The following XKR7 variants were observed in gnomAD, a reference collection of about 807,000 sequenced individuals.
The protein encoded by XKR7 is XK-related protein 7.
In XKR7, 11 loss-of-function variants were observed where a neutral mutation model predicts 42.2. That is an observed-to-expected ratio of 0.26 (90% CI 0.16 to 0.43). The LOEUF (loss-of-function observed/expected upper bound fraction) is 0.43. Ranked by LOEUF, XKR7 falls within the 20% of genes least tolerant of loss-of-function variation. The probability of loss-of-function intolerance (pLI) is 1.00; values close to 1 mark genes in which losing one functional copy is unlikely to be tolerated. For synonymous variants in XKR7, 346 were observed against 366.4 expected (o/e 0.94, Z 0.64); for missense variants, 710 against 802.2 (o/e 0.89, Z 1.39).
intron 1 of XKR7, among the ~76,000 whole-genome samples, chr20:31,984,185 C>T (rs574555650): frequency 2.2e-4 from 33 of 151,624 alleles, no homozygotes; most frequent in African/African-American, 7.0e-4. Context: ...CACCTGAACC[C>T]GGGACGTGGA....
In XKR7 at chr20:31,995,049, C is replaced by A; in HGVS notation, c.585-19C>A. 1 of 1,540,948 alleles carries A rather than the reference C, an allele frequency of 6.5e-7. No individual in the cohort carries two copies. Among genetic ancestry groups the A allele is most frequent in the Non-Finnish European group, 8.7e-7 (1 of 1,145,458 alleles). On this transcript the variant is annotated intron_variant, in intron 1 of 2. Coordinates refer to ENST00000562532, the MANE Select transcript of XKR7 (RefSeq NM_001011718.2). The surrounding 1 kb of genome is among the most constrained non-coding windows in gnomAD (Gnocchi z 4.1). Reference sequence around the variant, plus strand: ...AGGAACCAGCGCGCGGGAGCCTGAGCACCGCGTCCTTCCCGCAGGTACCTG... The same window carrying A: ...AGGAACCAGCGCGCGGGAGCCTGAGAACCGCGTCCTTCCCGCAGGTACCTG...
At chr20:31,975,766 C>T (rs1178495583) in intron 1 of XKR7, among the ~76,000 whole-genome samples, 1 of 152,140 alleles carries the variant, frequency 6.6e-6, no homozygotes, top group African/African-American at 2.4e-5. Flanking sequence ...ATATTTCTTG[C>T]ATTGCTTGAA....
Position 31,968,817 on chromosome 20 carries a change from A to G in XKR7, c.584+58A>G. On this transcript the variant is annotated intron_variant, in intron 1 of 2. Transcript: ENST00000562532. The surrounding 1 kb of genome is among the most constrained non-coding windows in gnomAD (Gnocchi z 4.5). ...CGAGGAGTGGGGGTGGCGAAGGGCTACCTGACGTCCCAGCCCTGATCTGAC... is the reference window on the plus strand; with the variant it reads ...CGAGGAGTGGGGGTGGCGAAGGGCTGCCTGACGTCCCAGCCCTGATCTGAC... 6.9e-7 allele frequency: 1 copy of G among 1,446,152 alleles called. No individual in the cohort carries two copies. Among genetic ancestry groups the G allele is most frequent in the South Asian group, 1.4e-5 (1 of 69,500 alleles). The allele number at this position is 1,446,152 out of a possible 1,614,324, so 89.6% of individuals were successfully genotyped here.
intron 1 of XKR7, among the ~76,000 whole-genome samples, chr20:31,989,094 T>C (rs548417226): frequency 6.6e-6 from 1 of 152,084 alleles, no homozygotes. Flanking sequence ...TAGGTTAAGA[T>C]GAAAATAAGA....
intron 1 of XKR7, among the ~76,000 whole-genome samples, chr20:31,980,286 C>A (rs2064505965): frequency 6.6e-6 from 1 of 152,184 alleles, no homozygotes; most frequent in Non-Finnish European, 1.5e-5. Context: ...ATTTGGCTGA[C>A]AACCCCAGGA....
rs2064633904 is a variant in XKR7, at chr20:32,003,268, G to T, written c.*5811G>T. The T allele has an allele frequency of 6.6e-6, 1 of 152,252 alleles. No homozygotes were observed. The highest frequency in any genetic ancestry group is 2.1e-4 in the South Asian group (1 of 4,832). 9.4% of individuals were successfully genotyped at this position (152,252 alleles called of 1,614,324 possible). The stretch of plus-strand genomic sequence containing the variant: ...CCCTCCGAGCTTCCCCCAGGAGGGG[G>T]AGGGGGAGGGGGCCCCGAGCTGGGG... On this transcript the variant is annotated 3_prime_UTR_variant, in exon 3 of 3. Coordinates refer to ENST00000562532, the MANE Select transcript of XKR7 (RefSeq NM_001011718.2).
rs778278076 is a variant in XKR7, at chr20:31,968,698, C to T, written c.523C>T (p.Arg175Cys). The T allele has an allele frequency of 1.7e-5, 27 of 1,566,910 alleles. No individual in the cohort carries two copies. The highest frequency in any genetic ancestry group is 2.3e-5 in the East Asian group (1 of 44,002). ...SASAYRRRCC[R>C]LCIWLLQTLV... ...CAGCGCCTACCGCCGCCGCTGCTGC[C>T]GCCTCTGCATCTGGCTGCTGCAGAC... Residue 175 changes from arginine to cysteine, a missense_variant, in exon 1 of 3, where the codon CGC becomes TGC. Around this residue, in one of 2 missense-constraint regions of XKR7, gnomAD observed 708 missense variants for 786.2 expected, o/e 0.90. Transcript: ENST00000562532. The surrounding 1 kb of genome is among the most constrained non-coding windows in gnomAD (Gnocchi z 4.5).
At chr20:31,978,415 T>C (rs2064495628) in intron 1 of XKR7, among the ~76,000 whole-genome samples, 1 of 152,214 alleles carries the variant, frequency 6.6e-6, no homozygotes, top group Non-Finnish European at 1.5e-5. Flanking sequence ...GGTTCTTCTC[T>C]TACTTTTTAT....
chr20:31,990,174 C>T (rs1253977198), intron 1 of XKR7, among the ~76,000 whole-genome samples: 1 of 137,614 alleles, frequency 7.3e-6, no homozygotes, highest in Non-Finnish European at 1.5e-5. Flanking sequence ...TTTTTAAATT[C>T]ATTGCGTGTG....
intron 1 of XKR7, among the ~76,000 whole-genome samples, chr20:31,984,295 C>T (rs1005499402): frequency 6.6e-6 from 1 of 150,854 alleles, no homozygotes; most frequent in African/African-American, 2.4e-5. Context: ...AGTGGCCTGC[C>T]CTTACCTAGG....
At chr20:31,991,864 T>G (rs1418202663) in intron 1 of XKR7, among the ~76,000 whole-genome samples, 1 of 152,236 alleles carries the variant, frequency 6.6e-6, no homozygotes, top group Non-Finnish European at 1.5e-5. Flanking sequence ...ACACCTGTTA[T>G]CCCAGCACTT....
intron 1 of XKR7, among the ~76,000 whole-genome samples, chr20:31,990,853 G>A (rs2064567384): frequency 6.6e-6 from 1 of 151,844 alleles, no homozygotes; most frequent in African/African-American, 2.4e-5. Flanking sequence ...AGCTTTTCGT[G>A]CTGGCTGGAA....
At chr20:31,990,212 G>T (rs2064564124) in intron 1 of XKR7, among the ~76,000 whole-genome samples, 1 of 151,492 alleles carries the variant, frequency 6.6e-6, no homozygotes, top group African/African-American at 2.4e-5. Flanking sequence ...GTGTGTGTGT[G>T]TGGAAACAGG....
At chr20:31,984,968 G>T (rs556821203) in intron 1 of XKR7, among the ~76,000 whole-genome samples, 1 of 152,332 alleles carries the variant, frequency 6.6e-6, no homozygotes, top group South Asian at 2.1e-4. Context: ...GGTAGTCCCT[G>T]CTTCGAAGAT....
At chr20:31,974,657 G>A (rs1015264081) in intron 1 of XKR7, among the ~76,000 whole-genome samples, 1 of 152,182 alleles carries the variant, frequency 6.6e-6, no homozygotes, top group Non-Finnish European at 1.5e-5. Flanking sequence ...CAGGTCAGGG[G>A]TTGGATTCCA....
Position 31,997,559 on chromosome 20 carries a change from T to A in XKR7, c.*102T>A. ...GGCCACCAGGCTAAGGGGGAGTGGA[T>A]CTGTTGGTCCAAGGGTAGAGTGGCC... On this transcript the variant is annotated 3_prime_UTR_variant, in exon 3 of 3. Coordinates refer to ENST00000562532, the MANE Select transcript of XKR7 (RefSeq NM_001011718.2). 1 of 1,140,016 alleles carries A rather than the reference T, an allele frequency of 8.8e-7. No homozygotes were observed. Among genetic ancestry groups the A allele is most frequent in the Non-Finnish European group, 1.2e-6 (1 of 822,042 alleles). 70.6% of individuals were successfully genotyped at this position (1,140,016 alleles called of 1,614,324 possible). A position where few individuals can be genotyped will look rare whatever the true frequency, so the allele number is the denominator to read the frequency against.
In XKR7 at chr20:31,968,884, A is replaced by T; in HGVS notation, c.584+125A>T. On this transcript the variant is annotated intron_variant, in intron 1 of 2. Coordinates refer to ENST00000562532, the MANE Select transcript of XKR7 (RefSeq NM_001011718.2). The surrounding 1 kb of genome is among the most constrained non-coding windows in gnomAD (Gnocchi z 4.5). ...CCTGTCCTGACCTCCCCCCCTCCCCACCCCATTGCAGCTCTAATTTCTTCT... is the reference window on the plus strand; with the variant it reads ...CCTGTCCTGACCTCCCCCCCTCCCCTCCCCATTGCAGCTCTAATTTCTTCT... 7.5e-7 allele frequency: 1 copy of T among 1,337,628 alleles called. No individual in the cohort carries two copies. Among genetic ancestry groups the T allele is most frequent in the Non-Finnish European group, 9.7e-7 (1 of 1,028,278 alleles). 82.9% of individuals were successfully genotyped at this position (1,337,628 alleles called of 1,614,324 possible). A position where few individuals can be genotyped will look rare whatever the true frequency, so the allele number is the denominator to read the frequency against.
At chr20:31,970,740 T>A (rs145274080) in intron 1 of XKR7, 1 of 152,364 alleles carries the variant, frequency 6.6e-6, no homozygotes, top group East Asian at 1.9e-4. Flanking sequence ...TTCCCTTTGA[T>A]CATATCTGTA....
At position 31,992,241 on chromosome 20, in the gene XKR7, G is replaced by A. The variant is rs2064573485; in HGVS notation, c.585-2827G>A. 2.6e-5 allele frequency among the ~76,000 whole-genome samples: 4 copies of A among 152,210 alleles called. No homozygotes were observed. The South Asian group carries it at 8.3e-4, about 31-fold the overall frequency. On this transcript the variant is annotated intron_variant, in intron 1 of 2. Transcript: ENST00000562532. ...ATCTTGTCTCTCTTCCATGGGACTGGGAGATACATATGGGCACACAGCCTG... is the reference window on the plus strand; with the variant it reads ...ATCTTGTCTCTCTTCCATGGGACTGAGAGATACATATGGGCACACAGCCTG...
Sources: gnomAD v4.1 joint callset for allele counts (sites outside exome capture counted in the v4.1 genomes callset) on GRCh38, gnomAD v4.1.1 for gene constraint, gnomAD v4.1.1 regional missense constraint, Gnocchi (gnomAD v3.1) non-coding constraint, MANE v1.5 for transcripts, NCBI Gene and HGNC (gene_info 2026-07-23, HGNC 2026-07-21) for gene names.